Variants in ZNF184 observed in about 807,000 individuals in gnomAD.
ZNF184 encodes zinc finger protein 184.
In ZNF184, 16 loss-of-function variants were observed where a neutral mutation model predicts 54.4. The observed-to-expected ratio is 0.29, with a 90% CI of 0.20 to 0.45. ZNF184 has a LOEUF of 0.45. ZNF184 is among the 20% of genes least tolerant of loss of function. The pLI is 1.00. For synonymous variants in ZNF184, 254 were observed against 295.3 expected (o/e 0.86, Z 1.43); for missense variants, 681 against 888.2 (o/e 0.77, Z 2.97).
At chr6:27,461,403 T>C (rs1762992617) in intron 3 of ZNF184, among the ~76,000 whole-genome samples, 1 of 152,156 alleles carries the variant, frequency 6.6e-6, no homozygotes, top group Non-Finnish European at 1.5e-5. Flanking sequence ...ATATGAATCA[T>C]TCCAACAAAT....
rs149529821 is a variant in ZNF184, at chr6:27,452,572, A to T, written c.987T>A (p.Thr329=). 19 of 1,613,958 alleles carry T rather than the reference A, an allele frequency of 1.2e-5. No homozygotes were observed. The highest frequency in any genetic ancestry group is 1.7e-5 in the Admixed American group (1 of 59,984). Residue 329 remains threonine, a synonymous_variant, in exon 6 of 6, where the codon ACT becomes ACA. Transcript: ENST00000683788. The surrounding 1 kb of genome is among the most constrained non-coding windows in gnomAD (Gnocchi z 5.5). The part of the protein sequence containing the change: ...THLVQHQRIH[T]GEKPYTCNEC... ...CATTACAAGTGTATGGCTTCTCGCC[A>T]GTATGAATTCTCTGATGCTGAACAA...
chr6:27,457,478 C>A, intron 3 of ZNF184, 69 bp from the exon 4 acceptor site: 10 of 1,558,612 alleles, frequency 6.4e-6, no homozygotes, highest in Non-Finnish European at 8.7e-6. Context: ...GTTAGCAATA[C>A]TGACAGAAGT....
At chr6:27,456,723 T>G (rs1762863691) in intron 5 of ZNF184, 103 bp downstream of exon 5, 1 of 1,011,540 alleles carries the variant, frequency 9.9e-7, no homozygotes, top group Non-Finnish European at 1.5e-6. Flanking sequence ...CAGGAAATAC[T>G]TTAAAGGGAA....
the ZNF184 span, among the ~76,000 whole-genome samples, chr6:27,415,345 A>AG: frequency 1.3e-5 from 2 of 152,184 alleles, no homozygotes; most frequent in Non-Finnish European, 2.9e-5. Context: ...TAAAAAAAAA[A>AG]TTATCAAAGA....
chr6:27,471,432 T>C (rs79993626), intron 2 of ZNF184, among the ~76,000 whole-genome samples: 10,921 of 152,212 alleles, frequency 0.072, 480 homozygotes, highest in Middle Eastern at 0.18. Context: ...GATCTAAAGT[T>C]TACAGTACAT....
At chr6:27,422,148 A>AAAAGGAAG in the ZNF184 span, among the ~76,000 whole-genome samples, 1 of 43,456 alleles carries the variant, frequency 2.3e-5, no homozygotes, top group Admixed American at 3.3e-4. Context: ...CTCAAAAAAA[A>AAAAGGAAG]AAAGAAAGAA....
At chr6:27,466,142 GA>G (rs1404515882) in intron 3 of ZNF184, among the ~76,000 whole-genome samples, 3 of 10,748 alleles carry the variant, frequency 2.8e-4, no homozygotes, top group African/African-American at 1.1e-3. Flanking sequence ...GAGTCAGAGG[GA>G]GAGAGAGAGA....
chr6:27,416,863 T>TC, the ZNF184 span, among the ~76,000 whole-genome samples: 3 of 152,242 alleles, frequency 2.0e-5, no homozygotes, highest in Admixed American at 2.0e-4. Context: ...AGGGTTATTA[T>TC]CATTCCATTT....
chr6:27,422,152 G>GA, the ZNF184 span, among the ~76,000 whole-genome samples: 1 of 18,164 alleles, frequency 5.5e-5, no homozygotes, highest in South Asian at 3.0e-3. Context: ...AAAAAAAAAA[G>GA]AAAGAAAGAA....
chr6:27,410,800 G>A, the ZNF184 span, among the ~76,000 whole-genome samples: 2 of 152,170 alleles, frequency 1.3e-5, no homozygotes, highest in African/African-American at 2.4e-5. Flanking sequence ...CCAAATTGTC[G>A]GGATTACAGG....
chr6:27,472,266 T>TC lies in ZNF184; in HGVS notation c.7+21dup, dbSNP rs777606206. Reference sequence around the variant, plus strand: ...TTCTCAAGCCTCCATCACCCCGCTCTCCCCCAAGTCGACCCCACTACCTTC... The same window carrying TC: ...TTCTCAAGCCTCCATCACCCCGCTCTCCCCCCAAGTCGACCCCACTACCTTC... On this transcript the variant is annotated intron_variant, in intron 2 of 5. Coordinates refer to ENST00000683788, the MANE Select transcript of ZNF184 (RefSeq NM_001318891.2). The surrounding 1 kb of genome is among the most constrained non-coding windows in gnomAD (Gnocchi z 4.8). 1.2e-6 allele frequency: 2 copies of TC among 1,613,444 alleles called. No individual in the cohort carries two copies. The highest frequency in any genetic ancestry group is 1.1e-5 in the South Asian group (1 of 90,998).
chr6:27,424,116 G>A, the ZNF184 span, among the ~76,000 whole-genome samples: 2 of 152,124 alleles, frequency 1.3e-5, no homozygotes. Context: ...TCTTCCTTCT[G>A]GTGGGTTCGT....
At chr6:27,471,897 G>A (rs1257318149) in intron 2 of ZNF184, among the ~76,000 whole-genome samples, 1 of 152,060 alleles carries the variant, frequency 6.6e-6, no homozygotes, top group Non-Finnish European at 1.5e-5. Flanking sequence ...TGCCACACTA[G>A]TTCGGGCATA....
chr6:27,440,250 T>C, the ZNF184 span, among the ~76,000 whole-genome samples: 1 of 152,228 alleles, frequency 6.6e-6, no homozygotes, highest in Non-Finnish European at 1.5e-5. Context: ...TGAAGCTCTA[T>C]TGAGAGGTAG....
chr6:27,419,697 A>G, the ZNF184 span, among the ~76,000 whole-genome samples: 1 of 96,198 alleles, frequency 1.0e-5, no homozygotes, highest in Non-Finnish European at 2.5e-5. The surrounding 1 kb of genome is among the most constrained non-coding windows in gnomAD (Gnocchi z 4.8). Flanking sequence ...CTCATGCTCC[A>G]CAACAATCTT....
chr6:27,464,531 A>G (rs1421260329), intron 3 of ZNF184, among the ~76,000 whole-genome samples: 1 of 152,242 alleles, frequency 6.6e-6, no homozygotes, highest in Non-Finnish European at 1.5e-5. Flanking sequence ...AGCATATTCA[A>G]TCCAAAAGAA....
At chr6:27,446,765 G>A (rs1762641417), downstream of ZNF184, among the ~76,000 whole-genome samples, 1 of 152,162 alleles carries the variant, frequency 6.6e-6, no homozygotes, top group Admixed American at 6.5e-5. Context: ...TGAACCATTG[G>A]AGCAGGGCTG....
At chr6:27,410,941 G>C in the ZNF184 span, among the ~76,000 whole-genome samples, 2 of 152,202 alleles carry the variant, frequency 1.3e-5, no homozygotes. Context: ...AAACTAGGTG[G>C]GAAGCTGGGG....
chr6:27,466,489 A>G (rs967047052), intron 3 of ZNF184, among the ~76,000 whole-genome samples: 1 of 152,218 alleles, frequency 6.6e-6, no homozygotes, highest in African/African-American at 2.4e-5. Context: ...GATGTACCAC[A>G]TTCTGGACAA....
Sources: gnomAD v4.1 joint callset for allele counts (sites outside exome capture counted in the v4.1 genomes callset) on GRCh38, gnomAD v4.1.1 for gene constraint, Gnocchi (gnomAD v3.1) non-coding constraint, MANE v1.5 for transcripts, NCBI Gene and HGNC (gene_info 2026-07-23, HGNC 2026-07-21) for gene names.